The following CTNNA3 variants were observed in gnomAD, a reference collection of about 807,000 sequenced individuals.
The protein encoded by CTNNA3 is catenin alpha 3.
In CTNNA3, 76 loss-of-function variants were observed where a neutral mutation model predicts 95.7. The ratio of observed to expected loss-of-function variants is 0.79; its 90% confidence interval spans 0.66 to 0.96. The LOEUF (loss-of-function observed/expected upper bound fraction) is 0.96. Ranked by LOEUF, CTNNA3 falls within the 40% of genes least tolerant of loss-of-function variation. The probability of loss-of-function intolerance (pLI) is 0.00; values close to 1 mark genes in which losing one functional copy is unlikely to be tolerated. For synonymous variants in CTNNA3, 431 were observed against 374.4 expected (o/e 1.15, Z -1.74); for missense variants, 1,191 against 1,089.8 (o/e 1.09, Z -1.31).
chr10:67,234,511 T>C (rs1022465253), intron 5 of CTNNA3, among the ~76,000 whole-genome samples: 1 of 152,078 alleles, frequency 6.6e-6, no homozygotes, highest in African/African-American at 2.4e-5. Context: ...TGGGGCGTAT[T>C]TCAAAATAAT....
At chr10:67,682,554 C>T (rs1439907072) in intron 1 of CTNNA3, among the ~76,000 whole-genome samples, 1 of 151,758 alleles carries the variant, frequency 6.6e-6, no homozygotes, top group Non-Finnish European at 1.5e-5. Context: ...AACATAAGCT[C>T]TTAGTATACA....
intron 5 of CTNNA3, among the ~76,000 whole-genome samples, chr10:67,266,173 A>G (rs1219080608): frequency 6.6e-6 from 1 of 152,226 alleles, no homozygotes; most frequent in Non-Finnish European, 1.5e-5. Context: ...GATTAAGATT[A>G]CAATCTTAAA....
At chr10:66,732,448 GT>G (rs1564646087) in intron 9 of CTNNA3, among the ~76,000 whole-genome samples, 1 of 152,118 alleles carries the variant, frequency 6.6e-6, no homozygotes, top group African/African-American at 2.4e-5. Context: ...CTCGAGACTG[GT>G]TCATTTATAA....
intron 11 of CTNNA3, among the ~76,000 whole-genome samples, chr10:66,422,061 C>T (rs534415298): frequency 6.6e-6 from 1 of 151,828 alleles, no homozygotes; most frequent in Non-Finnish European, 1.5e-5. Context: ...GGAGTCTTGA[C>T]TTCATACAGT....
chr10:67,653,756 C>T (rs1191179497), intron 1 of CTNNA3, among the ~76,000 whole-genome samples: 4 of 152,100 alleles, frequency 2.6e-5, no homozygotes, highest in African/African-American at 9.7e-5. Context: ...CTCTATAACC[C>T]TGGGCAAAAG....
chr10:66,592,001 A>G (rs1843567795), intron 10 of CTNNA3, among the ~76,000 whole-genome samples: 1 of 151,958 alleles, frequency 6.6e-6, no homozygotes, highest in Admixed American at 6.6e-5. Flanking sequence ...ATTTGTAAGG[A>G]CTTATAAATA....
intron 1 of CTNNA3, among the ~76,000 whole-genome samples, chr10:67,755,193 T>TAA (rs200024475): frequency 7.3e-6 from 1 of 137,094 alleles, no homozygotes. Context: ...ACCTTATCTT[T>TAA]AAAAAAAAAA....
At chr10:66,463,801 G>A (rs1307228660) in intron 11 of CTNNA3, among the ~76,000 whole-genome samples, 1 of 151,976 alleles carries the variant, frequency 6.6e-6, no homozygotes, top group Non-Finnish European at 1.5e-5. Flanking sequence ...TAGGCTTTGG[G>A]AGAGCTTAAA....
Position 66,939,454 on chromosome 10 carries a change from T to C in CTNNA3, c.1048-163930A>G, listed in dbSNP as rs185408260. On this transcript the variant is annotated intron_variant, in intron 7 of 17. Transcript: ENST00000433211. ...TCTCTCATGAAAGCAATAATTAAAATGACACCATCTAATAATTTAATGTAA... is the reference window on the plus strand; with the variant it reads ...TCTCTCATGAAAGCAATAATTAAAACGACACCATCTAATAATTTAATGTAA... Among the ~76,000 whole-genome samples the C allele has an allele frequency of 8.5e-5, 13 of 152,316 alleles. 1 individual carries two copies. In the East Asian group the frequency reaches 2.3e-3, roughly 27 times the overall value.
intron 7 of CTNNA3, among the ~76,000 whole-genome samples, chr10:66,903,834 C>T (rs549262259): frequency 6.6e-6 from 1 of 152,228 alleles, no homozygotes; most frequent in African/African-American, 2.4e-5. Context: ...ATGTGAAGGA[C>T]CTCTTCAAGG....
chr10:66,688,724 C>A (rs1019813822), intron 9 of CTNNA3, among the ~76,000 whole-genome samples: 1 of 152,040 alleles, frequency 6.6e-6, no homozygotes, highest in Admixed American at 6.5e-5. Context: ...GTAATCCCAG[C>A]ACTTTGGGAG....
chr10:66,542,494 G>A (rs2132080315), intron 10 of CTNNA3, among the ~76,000 whole-genome samples: 1 of 152,136 alleles, frequency 6.6e-6, no homozygotes, highest in Admixed American at 6.5e-5. Context: ...CAACCCAAAT[G>A]TCCAACAATG....
chr10:66,978,541 A>ATAAAATAAAAATTAAAAAAAT (rs1437563245), intron 7 of CTNNA3, among the ~76,000 whole-genome samples: 1 of 111,194 alleles, frequency 9.0e-6, no homozygotes, highest in Admixed American at 1.0e-4. Context: ...AAAAAAAAAA[A>ATAAAATAAAAATTAAAAAAAT]AAAAAAAAAA....
chr10:66,977,469 T>C (rs538522320), intron 7 of CTNNA3, among the ~76,000 whole-genome samples: 2 of 151,808 alleles, frequency 1.3e-5, no homozygotes, highest in South Asian at 4.2e-4. Context: ...TCATATGATA[T>C]GACCCTCAGC....
intron 10 of CTNNA3, among the ~76,000 whole-genome samples, chr10:66,561,155 A>G (rs950752609): frequency 6.6e-6 from 1 of 152,158 alleles, no homozygotes; most frequent in African/African-American, 2.4e-5. Flanking sequence ...TTAACAAGTT[A>G]TAAAACAGAG....
At chr10:66,682,714 G>T (rs570339545) in intron 9 of CTNNA3, among the ~76,000 whole-genome samples, 1 of 151,082 alleles carries the variant, frequency 6.6e-6, no homozygotes, top group African/African-American at 2.4e-5. Flanking sequence ...TACATGTACA[G>T]GTTTGTTATA....
intron 1 of CTNNA3, among the ~76,000 whole-genome samples, chr10:67,693,912 A>G (rs1490241704): frequency 2.0e-5 from 3 of 152,176 alleles, no homozygotes; most frequent in African/African-American, 7.2e-5. Flanking sequence ...TTCCCTATAG[A>G]AAAACCCAAT....
intron 5 of CTNNA3, among the ~76,000 whole-genome samples, chr10:67,342,906 C>CT (rs964040173): frequency 2.0e-5 from 3 of 151,110 alleles, no homozygotes; most frequent in African/African-American, 4.9e-5. Context: ...TTGTTTTTTT[C>CT]TTTTTTTGGA....
At chr10:66,720,695 G>A (rs964641927) in intron 9 of CTNNA3, among the ~76,000 whole-genome samples, 2 of 152,150 alleles carry the variant, frequency 1.3e-5, no homozygotes, top group Non-Finnish European at 2.9e-5. Flanking sequence ...ATAGCTGGGC[G>A]TGATGGTGGG....
Sources: allele counts gnomAD v4.1 joint callset (sites outside exome capture counted in the v4.1 genomes callset), GRCh38; gene constraint gnomAD v4.1.1; transcripts MANE v1.5; gene names NCBI Gene and HGNC (gene_info 2026-07-23, HGNC 2026-07-21).